The following SLC6A18 variants were observed in gnomAD, a reference collection of about 807,000 sequenced individuals.
The protein encoded by SLC6A18 is solute carrier family 6 member 18.
In SLC6A18, 58 loss-of-function variants were observed where a neutral mutation model predicts 62.9. The ratio of observed to expected loss-of-function variants is 0.92; its 90% CI spans 0.75 to 1.15. The LOEUF is 1.15. Ranked by LOEUF, SLC6A18 falls within the 50% of genes most tolerant of loss-of-function variation. The pLI is 0.00. For synonymous variants in SLC6A18, 382 were observed against 365.8 expected (o/e 1.04, Z -0.51); for missense variants, 793 against 836.6 (o/e 0.95, Z 0.64).
intron 1 of SLC6A18, among the ~76,000 whole-genome samples, chr5:1,229,601 C>T (rs879290072): frequency 6.6e-6 from 1 of 152,196 alleles, no homozygotes; most frequent in Non-Finnish European, 1.5e-5. Flanking sequence ...AGCCCCTGCC[C>T]ACCGCGACGT....
At position 1,240,599 on chromosome 5, in the gene SLC6A18, T is replaced by C; in HGVS notation, c.914T>C (p.Ile305Thr). 1 of 1,614,158 alleles carries C rather than the reference T, an allele frequency of 6.2e-7. No individual in the cohort carries two copies. The change falls in exon 7 of 12, where the codon ATC (isoleucine) becomes ACC (threonine). Residue 305 changes from isoleucine (I) to threonine (T), a missense_variant. Physicochemically the swap from Ile to Thr is moderately conservative, Grantham distance 89 (BLOSUM62 -1). Coordinates refer to ENST00000324642, the MANE Select transcript of SLC6A18 (RefSeq NM_182632.3). ...AGGATGACCTCCCTGTACGCGTCCATCGCTGTCTTCTCTGTCCTGGGGTTC... is the reference window on the plus strand; with the variant it reads ...AGGATGACCTCCCTGTACGCGTCCACCGCTGTCTTCTCTGTCCTGGGGTTC... The part of the protein sequence containing the change: ...VNRMTSLYAS[I>T]AVFSVLGFKA...
intron 11 of SLC6A18, among the ~76,000 whole-genome samples, chr5:1,245,007 G>A (rs1381410730): frequency 2.0e-5 from 3 of 152,178 alleles, no homozygotes; most frequent in Admixed American, 6.5e-5. Flanking sequence ...ATGGGCAAGC[G>A]CCTGGTCAGT....
At chr5:1,233,432 C>G (rs762652207) in intron 3 of SLC6A18, among the ~76,000 whole-genome samples, 4 of 151,956 alleles carry the variant, frequency 2.6e-5, no homozygotes, top group Non-Finnish European at 4.4e-5. Flanking sequence ...TAGCCGAGAT[C>G]ATACCACTGC....
At chr5:1,245,797 C>G (rs766703513) in intron 11 of SLC6A18, 51 bp from the exon 12 acceptor site, 1 of 1,539,494 alleles carries the variant, frequency 6.5e-7, no homozygotes, top group Non-Finnish European at 8.8e-7. Context: ...CGGGGGTCAG[C>G]CTCACGGCCC....
Position 1,243,551 on chromosome 5 carries a change from G to A in SLC6A18, c.1132-4G>A, listed in dbSNP as rs111236460. The A allele has an allele frequency of 3.9e-4, 628 of 1,612,914 alleles. 1 individual carries two copies. The African/African-American group carries it at 6.8e-3, about 18-fold the overall frequency. ...CCTGAAGCCCGGGGCTCCGTGTATT[G>A]CAGAGTGCCTCGGGCCCGGGCCTGG... On this transcript the variant is annotated splice_polypyrimidine_tract_variant and splice_region_variant and intron_variant, in intron 8 of 11. Coordinates refer to ENST00000324642, the MANE Select transcript of SLC6A18 (RefSeq NM_182632.3). The surrounding 1 kb of genome is among the most constrained non-coding windows in gnomAD (Gnocchi z 6.5).
At position 1,246,008 on chromosome 5, in the gene SLC6A18, A is replaced by G. The variant is rs1165417800; in HGVS notation, c.1817A>G (p.Asp606Gly). The change falls in exon 12 of 12, where the codon GAC (aspartate) becomes GGC (glycine). Residue 606 changes from aspartate to glycine, a missense_variant. Physicochemically the swap from Asp to Gly is moderately conservative, Grantham distance 94 (BLOSUM62 -1). Coordinates refer to ENST00000324642, the MANE Select transcript of SLC6A18 (RefSeq NM_182632.3). ...TGGAGGGACAGGGACGCGCGCCCAG[A>G]CACGGACATGCGCCCGGACACGGAC... ...RTWRDRDARP[D>G]TDMRPDTDTR... 8 of 1,596,556 alleles carry G rather than the reference A, an allele frequency of 5.0e-6. No homozygotes were observed. Among genetic ancestry groups the G allele is most frequent in the Non-Finnish European group, 6.8e-6 (8 of 1,177,016 alleles).
chr5:1,232,623 C>T, intron 2 of SLC6A18, 128 bp from the exon 3 acceptor site: 1 of 1,356,986 alleles, frequency 7.4e-7, no homozygotes, highest in Non-Finnish European at 9.9e-7. Context: ...GTGAGGGAGG[C>T]CTGGCTTTCA....
chr5:1,226,791 G>A (rs1473405805), intron 1 of SLC6A18, among the ~76,000 whole-genome samples: 5 of 152,222 alleles, frequency 3.3e-5, no homozygotes, highest in African/African-American at 1.2e-4. Flanking sequence ...CGGGGCCCTC[G>A]CTGCCTGTGC....
chr5:1,242,978 G>T, intron 8 of SLC6A18, 115 bp downstream of exon 8: 1 of 1,275,920 alleles, frequency 7.8e-7, no homozygotes, highest in South Asian at 1.6e-5. Flanking sequence ...CCCAGGGCCA[G>T]GGCCTGTGAA....
chr5:1,244,362 T>G lies in SLC6A18; in HGVS notation c.1485T>G (p.Tyr495Ter), dbSNP rs1260771830. The G allele has an allele frequency of 1.2e-6, 2 of 1,614,006 alleles. No individual in the cohort carries two copies. Among genetic ancestry groups the G allele is most frequent in the African/African-American group, 2.7e-5 (2 of 74,920 alleles). Reference protein sequence around the residue: ...FLEVVGVVYVYGMKRFCDDIA... With the variant: ...FLEVVGVVYV ...AGGTTGTGGGTGTCGTTTATGTTTA[T>G]GGAATGAAACGGTGAGCTGCCGCCC... The change falls in exon 10 of 12, where the codon TAT becomes TAG. Residue 495 changes from tyrosine to a stop codon, truncating the protein, a stop_gained. Transcript: ENST00000324642. LOFTEE classifies it high-confidence loss of function.
intron 7 of SLC6A18, among the ~76,000 whole-genome samples, 196 bp downstream of exon 7, chr5:1,240,855 G>C (rs1747037388): frequency 2.6e-5 from 4 of 152,346 alleles, no homozygotes; most frequent in Admixed American, 2.6e-4. Context: ...AAGGGTCTTT[G>C]CAGATGTAAT....
chr5:1,227,940 A>G (rs1272167000), intron 1 of SLC6A18, among the ~76,000 whole-genome samples: 5 of 152,178 alleles, frequency 3.3e-5, no homozygotes, highest in African/African-American at 1.2e-4. Context: ...GGCTGTGTCC[A>G]CACACGTGAG....
At chr5:1,227,950 G>A (rs1361492390) in intron 1 of SLC6A18, among the ~76,000 whole-genome samples, 1 of 152,190 alleles carries the variant, frequency 6.6e-6, no homozygotes, top group Non-Finnish European at 1.5e-5. Context: ...ACACACGTGA[G>A]GTCACTCATC....
chr5:1,228,354 C>G (rs1376954919), intron 1 of SLC6A18, among the ~76,000 whole-genome samples: 1 of 152,204 alleles, frequency 6.6e-6, no homozygotes, highest in Non-Finnish European at 1.5e-5. Context: ...GCTCCCGGCT[C>G]GGTCTCCTTT....
At chr5:1,245,142 G>A (rs958725903) in intron 11 of SLC6A18, among the ~76,000 whole-genome samples, 7 of 152,282 alleles carry the variant, frequency 4.6e-5, no homozygotes, top group South Asian at 4.1e-4. Context: ...ACGGGCAGCC[G>A]GACAACGGCC....
chr5:1,235,953 G>A (rs1746873505), intron 4 of SLC6A18, among the ~76,000 whole-genome samples: 1 of 152,058 alleles, frequency 6.6e-6, no homozygotes, highest in African/African-American at 2.4e-5. Flanking sequence ...TAAACTTTTT[G>A]TATCTTTATG....
intron 1 of SLC6A18, 121 bp downstream of exon 1, chr5:1,225,758 C>T: frequency 2.4e-6 from 3 of 1,235,452 alleles, no homozygotes; most frequent in Non-Finnish European, 3.3e-6. Context: ...TCCTGGAAAC[C>T]AGGGTGCACC....
Position 1,241,745 on chromosome 5 carries a change from T to C in SLC6A18, c.975-962T>C, listed in dbSNP as rs1388118718. On this transcript the variant is annotated intron_variant, in intron 7 of 11. Coordinates refer to ENST00000324642, the MANE Select transcript of SLC6A18 (RefSeq NM_182632.3). This position sits in a 1 kb window ranked among gnomAD's most constrained non-coding sequence, Gnocchi z 7.8. ...GTTCAGCCCCAGCCGGGGACGTGCA[T>C]GGCGGGCAACTCTGATTTCTGCTCA... is the stretch of plus-strand genomic sequence containing the variant. Among the ~76,000 whole-genome samples the C allele has an allele frequency of 4.6e-5, 7 of 152,176 alleles. No individual in the cohort carries two copies. The highest frequency in any genetic ancestry group is 1.7e-4 in the African/African-American group (7 of 41,434).
intron 5 of SLC6A18, 117 bp downstream of exon 5, chr5:1,238,177 G>A: frequency 1.2e-6 from 1 of 822,398 alleles, no homozygotes; most frequent in South Asian, 1.6e-5. Flanking sequence ...CCAGCAGCTG[G>A]GCTGCCTGGT....
Sources: allele counts gnomAD v4.1 joint callset (sites outside exome capture counted in the v4.1 genomes callset), GRCh38; gene constraint gnomAD v4.1.1; non-coding constraint Gnocchi (gnomAD v3.1); transcripts MANE v1.5; gene names NCBI Gene and HGNC (gene_info 2026-07-23, HGNC 2026-07-21).